The following GLRA1 variants were observed in gnomAD, a reference collection of about 807,000 sequenced individuals.
The protein encoded by GLRA1 is glycine receptor alpha 1.
In GLRA1, 37 loss-of-function variants were observed where a neutral mutation model predicts 48.3. The ratio of observed to expected loss-of-function variants is 0.77; its 90% CI spans 0.59 to 1.01. The LOEUF is 1.01. Among genes scored for constraint, GLRA1 ranks in the 50% least tolerant of loss-of-function variants. The probability of loss-of-function intolerance (pLI) is 0.00; values close to 1 mark genes in which losing one functional copy is unlikely to be tolerated. For synonymous variants in GLRA1, 196 were observed against 210.7 expected (o/e 0.93, Z 0.60); for missense variants, 427 against 571.0 (o/e 0.75, Z 2.57).
At chr5:151,827,148 A>ATCAT (rs1419837129) in intron 8 of GLRA1, among the ~76,000 whole-genome samples, 1 of 150,532 alleles carries the variant, frequency 6.6e-6, no homozygotes, top group Non-Finnish European at 1.5e-5. Flanking sequence ...GGCACAAGCC[A>ATCAT]TCATGCCAGT....
chr5:151,892,379 G>A lies in GLRA1; in HGVS notation c.116C>T (p.Ser39Leu), dbSNP rs766445967. The A allele has an allele frequency of 2.5e-6, 4 of 1,613,874 alleles. No individual in the cohort carries two copies. The highest frequency in any genetic ancestry group is 1.7e-5 in the Admixed American group (1 of 59,990). ...ARSAPKPMSPSDFLDKLMGRT... is the reference protein window; with the variant it reads ...ARSAPKPMSPLDFLDKLMGRT... Reference sequence around the variant, plus strand: ...CCCCATTAGCTTATCCAGGAAATCCGAGGGTGACATAGGCTTGGGTGCGGA... The same window carrying A: ...CCCCATTAGCTTATCCAGGAAATCCAAGGGTGACATAGGCTTGGGTGCGGA... Residue 39 changes from serine to leucine, a missense_variant, in exon 2 of 9, where the codon TCG becomes TTG. Ser to Leu is a moderately radical substitution (Grantham distance 145). Coordinates refer to ENST00000274576, the MANE Select transcript of GLRA1 (RefSeq NM_000171.4).
intron 3 of GLRA1, among the ~76,000 whole-genome samples, chr5:151,881,091 A>G (rs965051915): frequency 2.0e-5 from 3 of 152,240 alleles, no homozygotes; most frequent in Non-Finnish European, 4.4e-5. Context: ...CATCACATAT[A>G]CACATGCCTA....
chr5:151,870,307 G>A (rs1283060128), intron 3 of GLRA1, among the ~76,000 whole-genome samples: 1 of 149,624 alleles, frequency 6.7e-6, no homozygotes, highest in East Asian at 1.9e-4. Context: ...AAGGGTGGAT[G>A]TTAACCTGGA....
At chr5:151,870,431 G>A (rs750129485) in intron 3 of GLRA1, among the ~76,000 whole-genome samples, 3 of 149,788 alleles carry the variant, frequency 2.0e-5, no homozygotes, top group Admixed American at 2.0e-4. Flanking sequence ...AACAAACAAC[G>A]GAGATGAATA....
At position 151,828,923 on chromosome 5, in the gene GLRA1, T is replaced by G. The variant is rs750009312; in HGVS notation, c.1057A>C (p.Lys353Gln). Residue 353 changes from lysine (K) to glutamine (Q), a missense_variant and splice_region_variant, in exon 8 of 9, where the codon AAG becomes CAG. By Grantham distance (53) the Lys-to-Gln change is moderately conservative. Coordinates refer to ENST00000274576, the MANE Select transcript of GLRA1 (RefSeq NM_000171.4). ...LRFRRKRRHH[K>Q]EDEAGEGRFN... is the part of the protein sequence containing the mutation. ...TAGGCAGTGACCCAAAGGCCTACCT[T>G]GTGATGTCTCCGCTTCCTCCTGAAT... The G allele has an allele frequency of 1.2e-6, 2 of 1,614,062 alleles. No homozygotes were observed. The highest frequency in any genetic ancestry group is 8.5e-7 in the Non-Finnish European group (1 of 1,179,926).
intron 1 of GLRA1, among the ~76,000 whole-genome samples, chr5:151,915,531 A>T (rs1754717563): frequency 6.6e-6 from 1 of 152,186 alleles, no homozygotes; most frequent in Non-Finnish European, 1.5e-5. Flanking sequence ...GACATCCATA[A>T]CATAAAATGC....
chr5:151,866,959 A>G (rs1753352781), intron 3 of GLRA1, among the ~76,000 whole-genome samples: 1 of 152,034 alleles, frequency 6.6e-6, no homozygotes, highest in African/African-American at 2.4e-5. Flanking sequence ...AAAAATAAAA[A>G]AATTAGCTGG....
Position 151,909,988 on chromosome 5 carries a change from C to T in GLRA1, c.56+14506G>A, listed in dbSNP as rs75537922. On this transcript the variant is annotated intron_variant, in intron 1 of 8. Coordinates refer to ENST00000274576, the MANE Select transcript of GLRA1 (RefSeq NM_000171.4). ...CACCCTGATGAGAGTATGTACCATC[C>T]ATCACGTTGTTCTGAGCACCCAATT... Among the ~76,000 whole-genome samples, 1,221 of 152,226 alleles carry T rather than the reference C, an allele frequency of 8.0e-3. 19 individuals are homozygous for T. The highest frequency in any genetic ancestry group is 0.028 in the African/African-American group (1,149 of 41,518).
intron 2 of GLRA1, among the ~76,000 whole-genome samples, chr5:151,888,475 C>G (rs1461985648): frequency 6.6e-6 from 1 of 152,154 alleles, no homozygotes; most frequent in Non-Finnish European, 1.5e-5. Context: ...TTCTCAGCTT[C>G]AGTGGTTTGG....
chr5:151,830,419 T>C (rs926961535), intron 7 of GLRA1, among the ~76,000 whole-genome samples: 19 of 152,320 alleles, frequency 1.2e-4, no homozygotes, highest in African/African-American at 4.6e-4. Flanking sequence ...GGTAATGAGT[T>C]GTTTATAGGG....
At chr5:151,841,946 A>G (rs149534432) in intron 7 of GLRA1, among the ~76,000 whole-genome samples, 4,126 of 152,078 alleles carry the variant, frequency 0.027, 95 homozygotes, top group Non-Finnish European at 0.045. Flanking sequence ...AATCCCAGCT[A>G]CTTGGGAGGC....
At position 151,901,490 on chromosome 5, in the gene GLRA1, A is replaced by G. The variant is rs1561578245; in HGVS notation, c.57-9052T>C. ...AGGGAAAGCTCTTAGAAGGCCCTACATAATCAGCATGCATCCCACGAGTTG... is the reference window on the plus strand; with the variant it reads ...AGGGAAAGCTCTTAGAAGGCCCTACGTAATCAGCATGCATCCCACGAGTTG... On this transcript the variant is annotated intron_variant, in intron 1 of 8. Transcript: ENST00000274576. Among the ~76,000 whole-genome samples, 7 of 152,356 alleles carry G rather than the reference A, an allele frequency of 4.6e-5. 1 individual carries two copies. In the South Asian group the frequency reaches 1.4e-3, roughly 32 times the overall value.
chr5:151,871,291 T>G (rs562748968), intron 3 of GLRA1, among the ~76,000 whole-genome samples: 1 of 149,576 alleles, frequency 6.7e-6, no homozygotes, highest in Non-Finnish European at 1.5e-5. Flanking sequence ...GCATAAGCTG[T>G]GTAGAGAGAC....
chr5:151,863,965 A>C (rs375162064), intron 3 of GLRA1, among the ~76,000 whole-genome samples: 17 of 152,188 alleles, frequency 1.1e-4, no homozygotes, highest in Non-Finnish European at 1.9e-4. Flanking sequence ...ATTTGGCCTC[A>C]TAATCTCACA....
chr5:151,832,368 T>C (rs866969179), intron 7 of GLRA1, among the ~76,000 whole-genome samples: 6 of 152,176 alleles, frequency 3.9e-5, no homozygotes, highest in Non-Finnish European at 7.3e-5. Flanking sequence ...TAAAGGAGCA[T>C]TCTAATCCAA....
chr5:151,873,918 C>G (rs927464306), intron 3 of GLRA1, among the ~76,000 whole-genome samples: 1 of 152,188 alleles, frequency 6.6e-6, no homozygotes, highest in Non-Finnish European at 1.5e-5. Context: ...TTGAACCCAT[C>G]AACTAAATAG....
chr5:151,906,877 T>A (rs1001533397), intron 1 of GLRA1, among the ~76,000 whole-genome samples: 2 of 152,186 alleles, frequency 1.3e-5, no homozygotes, highest in African/African-American at 4.8e-5. Flanking sequence ...TCCAAGTGAC[T>A]AGGGAAGACC....
intron 3 of GLRA1, among the ~76,000 whole-genome samples, chr5:151,879,630 C>A (rs893034520): frequency 2.0e-5 from 3 of 152,174 alleles, no homozygotes; most frequent in African/African-American, 7.2e-5. Context: ...GGATTACAGG[C>A]ATGAACCACT....
At chr5:151,846,504 T>C (rs766215660) in intron 7 of GLRA1, among the ~76,000 whole-genome samples, 2 of 152,260 alleles carry the variant, frequency 1.3e-5, no homozygotes, top group Non-Finnish European at 2.9e-5. Flanking sequence ...TTGTAGTGAA[T>C]GTAGCAGAAT....
Sources: gnomAD v4.1 joint callset for allele counts (sites outside exome capture counted in the v4.1 genomes callset) on GRCh38, gnomAD v4.1.1 for gene constraint, MANE v1.5 for transcripts, NCBI Gene and HGNC (gene_info 2026-07-23, HGNC 2026-07-21) for gene names.